Variants in CDH4 observed in about 807,000 individuals in gnomAD.
The protein encoded by CDH4 is cadherin 4, also known as cadherin-4.
In CDH4, 33 loss-of-function variants were observed where a neutral mutation model predicts 86.0. The observed-to-expected ratio is 0.38, with a 90% CI of 0.29 to 0.51. The LOEUF (loss-of-function observed/expected upper bound fraction) is 0.51, where lower values mean the gene tolerates loss of function less well. Among genes scored for constraint, CDH4 ranks in the 20% least tolerant of loss-of-function variants. The pLI, the probability that CDH4 is intolerant of heterozygous loss-of-function variation, is 0.86. For synonymous variants in CDH4, 555 were observed against 549.4 expected (o/e 1.01, Z -0.14); for missense variants, 1,114 against 1,307.4 (o/e 0.85, Z 2.28).
chr20:61,401,854 A>G (rs12479754), intron 2 of CDH4, among the ~76,000 whole-genome samples: 76,280 of 151,816 alleles, frequency 0.5, 20,181 homozygotes, highest in African/African-American at 0.67. Context: ...ACGGAGGCCC[A>G]TGAAAGAAGG....
chr20:61,374,453 C>T (rs543906370), intron 2 of CDH4, among the ~76,000 whole-genome samples: 3 of 152,220 alleles, frequency 2.0e-5, no homozygotes, highest in South Asian at 2.1e-4. Context: ...GCAGACTGCC[C>T]GATCTCGGGT....
chr20:61,908,177 C>A (rs1386391440), intron 8 of CDH4, among the ~76,000 whole-genome samples: 1 of 152,228 alleles, frequency 6.6e-6, no homozygotes, highest in Non-Finnish European at 1.5e-5. Flanking sequence ...AATATTTTTC[C>A]ATCCTTGACA....
intron 4 of CDH4, among the ~76,000 whole-genome samples, chr20:61,789,372 G>C (rs1407826756): frequency 2.0e-5 from 3 of 152,176 alleles, no homozygotes; most frequent in East Asian, 1.9e-4. Flanking sequence ...TGGAGCCTTG[G>C]TGTCTGTTTC....
rs2088529828 is a variant in CDH4, at chr20:61,754,089, AAGATTGTGGCACCACCAGG to A, written c.396+10303_396+10321del. On this transcript the variant is annotated intron_variant, in intron 3 of 15. Coordinates refer to ENST00000614565, the MANE Select transcript of CDH4 (RefSeq NM_001794.5). This position sits in a 1 kb window ranked among gnomAD's most constrained non-coding sequence, Gnocchi z 4.7. ...TGCCTTCAAAAGCCAAGGATCAGGG[AAGATTGTGGCACCACCAGG>A]AGCCAGGAGAGACGCCCAGAGCAGA... Among the ~76,000 whole-genome samples, 1 of 152,146 alleles carries A rather than the reference AAGATTGTGGCACCACCAGG, an allele frequency of 6.6e-6. No individual in the cohort carries two copies. The highest frequency in any genetic ancestry group is 1.5e-5 in the Non-Finnish European group (1 of 68,016).
At chr20:61,872,470 G>A (rs1024436073) in intron 6 of CDH4, among the ~76,000 whole-genome samples, 3 of 152,186 alleles carry the variant, frequency 2.0e-5, no homozygotes, top group African/African-American at 4.8e-5. Context: ...ACACGGGAAC[G>A]AGCACCTCGG....
chr20:61,573,030 T>TGGA (rs2086355166), intron 2 of CDH4, among the ~76,000 whole-genome samples: 3 of 140,340 alleles, frequency 2.1e-5, no homozygotes, highest in Non-Finnish European at 1.5e-5. Context: ...GGATGGATGG[T>TGGA]TGGATGGATG....
chr20:61,699,792 C>G (rs1405809332), intron 2 of CDH4, among the ~76,000 whole-genome samples: 3 of 148,728 alleles, frequency 2.0e-5, no homozygotes, highest in Non-Finnish European at 4.4e-5. Context: ...ACCGCTGACC[C>G]GGGGCTTTCA....
intron 8 of CDH4, among the ~76,000 whole-genome samples, chr20:61,900,117 G>T (rs1001436166): frequency 6.6e-6 from 1 of 152,200 alleles, no homozygotes; most frequent in Admixed American, 6.5e-5. Flanking sequence ...CAGCGGGGGG[G>T]ACTGGCTGGG....
rs370623508 is a variant in CDH4, at chr20:61,682,492, G to A, written c.170-61071G>A. On this transcript the variant is annotated intron_variant, in intron 2 of 15. Coordinates refer to ENST00000614565, the MANE Select transcript of CDH4 (RefSeq NM_001794.5). ...GGATGGATGGACAGATGGATGGATG[G>A]ATGGACGGAGAGATGGACACACAGG... 4.0e-5 allele frequency among the ~76,000 whole-genome samples: 6 copies of A among 151,784 alleles called. No individual in the cohort carries two copies. In the East Asian group the frequency reaches 7.8e-4, roughly 20 times the overall value.
At chr20:61,687,638 C>T (rs2145867381) in intron 2 of CDH4, among the ~76,000 whole-genome samples, 1 of 152,324 alleles carries the variant, frequency 6.6e-6, no homozygotes, top group South Asian at 2.1e-4. Context: ...CTCTGCTAAA[C>T]AAATGCGTGT....
At chr20:61,341,410 TTATGGCCTAA>T (rs755948492) in intron 2 of CDH4, among the ~76,000 whole-genome samples, 33 of 152,208 alleles carry the variant, frequency 2.2e-4, no homozygotes, top group Non-Finnish European at 4.4e-4. Context: ...GAAAGCAATT[TTATGGCCTAA>T]TATTGGCCAA....
intron 4 of CDH4, among the ~76,000 whole-genome samples, chr20:61,816,943 A>G (rs569228261): frequency 1.3e-5 from 2 of 152,328 alleles, no homozygotes; most frequent in Non-Finnish European, 1.5e-5. Context: ...ATTCGATATC[A>G]TGGCAGTGGC....
rs560026191 is a variant in CDH4 at position 61,408,021 on chromosome 20, G to C, written c.169+153084G>C. Reference sequence around the variant, plus strand: ...GCCACCTGTCTAAAATGCAGCAGCAGGTCCTGCTTTTCCTGCAGGTTACAG... The same window carrying C: ...GCCACCTGTCTAAAATGCAGCAGCACGTCCTGCTTTTCCTGCAGGTTACAG... On this transcript the variant is annotated intron_variant, in intron 2 of 15. Coordinates refer to ENST00000614565, the MANE Select transcript of CDH4 (RefSeq NM_001794.5). Among the ~76,000 whole-genome samples the C allele has an allele frequency of 1.2e-3, 176 of 152,288 alleles. 3 individuals carry two copies. The South Asian group carries it at 0.035, about 31-fold the overall frequency.
intron 4 of CDH4, among the ~76,000 whole-genome samples, chr20:61,835,471 C>T (rs1981828313): frequency 6.6e-6 from 1 of 152,222 alleles, no homozygotes; most frequent in South Asian, 2.1e-4. Context: ...TGGGAGCCAG[C>T]CACCCAGCCC....
chr20:61,834,110 A>G (rs542407148), intron 4 of CDH4, among the ~76,000 whole-genome samples: 46 of 152,332 alleles, frequency 3.0e-4, no homozygotes, highest in African/African-American at 1.0e-3. Flanking sequence ...CACACAGTCC[A>G]TGCAGAGCAA....
intron 8 of CDH4, among the ~76,000 whole-genome samples, chr20:61,908,515 G>A (rs1463971546): frequency 6.6e-6 from 1 of 152,170 alleles, no homozygotes; most frequent in East Asian, 1.9e-4. Context: ...CTGAGATTCT[G>A]GGCCCAGAAC....
At chr20:61,492,838 G>C (rs185017434) in intron 2 of CDH4, among the ~76,000 whole-genome samples, 45 of 152,318 alleles carry the variant, frequency 3.0e-4, no homozygotes, top group Middle Eastern at 6.8e-3. Flanking sequence ...ACTTTAAATA[G>C]TATTGTCAGA....
chr20:61,880,050 A>G (rs974438134), intron 7 of CDH4, among the ~76,000 whole-genome samples: 9 of 152,220 alleles, frequency 5.9e-5, no homozygotes, highest in African/African-American at 2.2e-4. Context: ...CTGTCATCCA[A>G]TGGATGGAGA....
At chr20:61,412,903 T>C (rs2085126626) in intron 2 of CDH4, among the ~76,000 whole-genome samples, 1 of 152,090 alleles carries the variant, frequency 6.6e-6, no homozygotes, top group African/African-American at 2.4e-5. Flanking sequence ...GGGAAGAGTG[T>C]TTCTCCAGGG....
Sources: gnomAD v4.1 joint callset for allele counts (sites outside exome capture counted in the v4.1 genomes callset) on GRCh38, gnomAD v4.1.1 for gene constraint, Gnocchi (gnomAD v3.1) non-coding constraint, MANE v1.5 for transcripts, NCBI Gene and HGNC (gene_info 2026-07-23, HGNC 2026-07-21) for gene names.